CACNB4: variants seen among roughly 807,000 people sequenced by gnomAD.
CACNB4 encodes the protein calcium voltage-gated channel auxiliary subunit beta 4.
CACNB4 carries 32 observed loss-of-function variants against 71.2 expected under a neutral mutation model. The ratio of observed to expected loss-of-function variants is 0.45; its 90% CI spans 0.34 to 0.60. The LOEUF (loss-of-function observed/expected upper bound fraction) is 0.60. Ranked by LOEUF, CACNB4 falls within the 20% of genes least tolerant of loss-of-function variation. CACNB4 has a pLI of 0.01. For synonymous variants in CACNB4, 231 were observed against 236.9 expected, an observed-to-expected ratio of 0.97 and a Z score of 0.23; for missense variants, 464 against 647.9, an observed-to-expected ratio of 0.72 and a Z score of 3.08.
At chr2:151,876,368 G>A in intron 5 of CACNB4, 58 bp downstream of exon 5, 2 of 1,506,132 alleles carry the variant, frequency 1.3e-6, no homozygotes, top group South Asian at 2.4e-5. Flanking sequence ...ATACACCCTT[G>A]AAAATATCAC....
chr2:151,911,561 G>T (rs2099856172), intron 2 of CACNB4, among the ~76,000 whole-genome samples: 2 of 152,198 alleles, frequency 1.3e-5, no homozygotes, highest in African/African-American at 2.4e-5. Context: ...TTGATGTGCT[G>T]CTGGATTCAG....
chr2:152,076,318 T>G (rs1435416796), intron 2 of CACNB4, among the ~76,000 whole-genome samples: 10 of 30,480 alleles, frequency 3.3e-4, no homozygotes, highest in African/African-American at 4.5e-4. Flanking sequence ...ATTTTTTGGG[T>G]TTTTTTTTTT....
chr2:151,862,977 T>C (rs987956967), intron 9 of CACNB4, among the ~76,000 whole-genome samples: 19 of 152,146 alleles, frequency 1.2e-4, no homozygotes, highest in African/African-American at 4.3e-4. Flanking sequence ...TGACTTTCTA[T>C]TACTCCAGTT....
At chr2:151,983,675 T>TCTCTCA (rs35313966) in intron 2 of CACNB4, among the ~76,000 whole-genome samples, 1 of 141,430 alleles carries the variant, frequency 7.1e-6, no homozygotes, top group Non-Finnish European at 1.5e-5. Flanking sequence ...TAAACTTTGG[T>TCTCTCA]CACACACACA....
intron 2 of CACNB4, among the ~76,000 whole-genome samples, chr2:152,066,120 T>A (rs1686304840): frequency 6.6e-6 from 1 of 152,172 alleles, no homozygotes; most frequent in Admixed American, 6.5e-5. Flanking sequence ...TACTCCAGCC[T>A]CTGCTGACGT....
chr2:151,902,736 G>A (rs1283265833), intron 2 of CACNB4, among the ~76,000 whole-genome samples: 1 of 151,028 alleles, frequency 6.6e-6, no homozygotes, highest in African/African-American at 2.4e-5. Context: ...CTTTTTTGTG[G>A]CTTCATATAG....
At chr2:152,012,936 C>T (rs918294713) in intron 2 of CACNB4, among the ~76,000 whole-genome samples, 2 of 152,188 alleles carry the variant, frequency 1.3e-5, no homozygotes, top group Non-Finnish European at 2.9e-5. Flanking sequence ...ATCCTGCAAG[C>T]TCCATTTGCA....
Position 152,098,277 on chromosome 2 carries a change from G to A in CACNB4, c.147+53C>T, listed in dbSNP as rs1002544628. ...GGCCACGGCCGGCTCCAGGACCCCCGCGCCGCGCGCTCGGCCTCCTCCCCA... is the reference window on the plus strand; with the variant it reads ...GGCCACGGCCGGCTCCAGGACCCCCACGCCGCGCGCTCGGCCTCCTCCCCA... On this transcript the variant is annotated intron_variant, in intron 2 of 13. Coordinates refer to ENST00000539935, the MANE Select transcript of CACNB4 (RefSeq NM_000726.5). The surrounding 1 kb of genome is among the most constrained non-coding windows in gnomAD (Gnocchi z 5.3). 3 of 1,453,802 alleles carry A rather than the reference G, an allele frequency of 2.1e-6. No individual in the cohort carries two copies. The highest frequency in any genetic ancestry group is 1.4e-5 in the African/African-American group (1 of 71,580). The allele number at this position is 1,453,802 out of a possible 1,614,324, so 90.1% of individuals were successfully genotyped here.
chr2:151,872,656 C>T (rs1032630870), intron 5 of CACNB4, 163 bp from the exon 6 acceptor site: 3 of 512,956 alleles, frequency 5.8e-6, no homozygotes, highest in East Asian at 3.6e-5. Context: ...TTTCTTTGAC[C>T]TCATTTCTAA....
At chr2:152,045,717 C>T (rs1196930942) in intron 2 of CACNB4, among the ~76,000 whole-genome samples, 1 of 152,116 alleles carries the variant, frequency 6.6e-6, no homozygotes, top group Non-Finnish European at 1.5e-5. Context: ...CCTCCAAGAG[C>T]ACAGACTGGA....
intron 2 of CACNB4, among the ~76,000 whole-genome samples, chr2:151,975,175 G>A (rs2099873560): frequency 6.6e-6 from 1 of 152,208 alleles, no homozygotes; most frequent in Non-Finnish European, 1.5e-5. Flanking sequence ...CAGCTGGAAG[G>A]CACTGGCTGC....
At chr2:151,973,995 C>G (rs2099873300) in intron 2 of CACNB4, 2 of 1,166,412 alleles carry the variant, frequency 1.7e-6, no homozygotes, top group African/African-American at 3.2e-5. Flanking sequence ...GGAAAGCGGC[C>G]TCTGATTGGC....
chr2:151,937,566 A>G (rs1009868326), intron 2 of CACNB4, among the ~76,000 whole-genome samples: 12 of 152,226 alleles, frequency 7.9e-5, no homozygotes, highest in African/African-American at 2.9e-4. Context: ...ACCAGCTCAG[A>G]AATCAGAAAA....
intron 2 of CACNB4, among the ~76,000 whole-genome samples, chr2:152,025,045 G>C (rs947001087): frequency 1.3e-5 from 2 of 152,182 alleles, no homozygotes; most frequent in East Asian, 1.9e-4. Context: ...AACAGAGTGA[G>C]ACTCTGTCTC....
At chr2:151,882,130 C>CA (rs2099848027) in intron 3 of CACNB4, among the ~76,000 whole-genome samples, 1 of 98,948 alleles carries the variant, frequency 1.0e-5, no homozygotes, top group Non-Finnish European at 2.6e-5. Context: ...CTGCCCGCCT[C>CA]GGCCTCCCAA....
intron 2 of CACNB4, among the ~76,000 whole-genome samples, chr2:152,088,140 AACACACAC>A (rs55688548): frequency 7.3e-6 from 1 of 136,938 alleles, no homozygotes; most frequent in Admixed American, 7.3e-5. Context: ...TTCCCCACTT[AACACACAC>A]ACACACACAC....
At chr2:151,960,061 T>C (rs1031260207) in intron 2 of CACNB4, among the ~76,000 whole-genome samples, 44 of 152,298 alleles carry the variant, frequency 2.9e-4, no homozygotes, top group African/African-American at 1.0e-3. Flanking sequence ...AGAAATCAAT[T>C]TTAAGTAGAT....
intron 2 of CACNB4, among the ~76,000 whole-genome samples, chr2:151,998,093 T>TG (rs1261504581): frequency 6.6e-6 from 1 of 151,600 alleles, no homozygotes; most frequent in South Asian, 2.1e-4. Flanking sequence ...GAGGCCAAGG[T>TG]GGGGGGATCG....
At chr2:151,995,690 C>A (rs1682004392) in intron 2 of CACNB4, among the ~76,000 whole-genome samples, 2 of 152,190 alleles carry the variant, frequency 1.3e-5, no homozygotes, top group Non-Finnish European at 1.5e-5. Flanking sequence ...GCCTGGGTGA[C>A]AAAGCGAGAC....
Sources: gnomAD v4.1 joint callset for allele counts (sites outside exome capture counted in the v4.1 genomes callset) on GRCh38, gnomAD v4.1.1 for gene constraint, Gnocchi (gnomAD v3.1) non-coding constraint, MANE v1.5 for transcripts, NCBI Gene and HGNC (gene_info 2026-07-23, HGNC 2026-07-21) for gene names.